The following SYT1 variants were observed in gnomAD, a reference collection of about 807,000 sequenced individuals.
The protein encoded by SYT1 is synaptotagmin-1.
SYT1 carries 8 observed loss-of-function variants against 44.8 expected under a neutral mutation model. That is an observed-to-expected ratio of 0.18 (90% CI 0.10 to 0.32). SYT1 has a LOEUF of 0.32. SYT1 is among the 10% of genes least tolerant of loss of function. SYT1 has a pLI of 1.00. For missense variants in SYT1, 286 were observed against 509.3 expected (o/e 0.56, Z 4.22); for synonymous variants, 154 against 188.8 (o/e 0.82, Z 1.51).
At chr12:79,307,335 A>G (rs1043523278) in intron 8 of SYT1, among the ~76,000 whole-genome samples, 1 of 152,232 alleles carries the variant, frequency 6.6e-6, no homozygotes, top group African/African-American at 2.4e-5. Flanking sequence ...AATTCTTGCC[A>G]ATTATGAACA....
At chr12:79,031,517 A>G (rs1443918086) in intron 2 of SYT1, among the ~76,000 whole-genome samples, 1 of 151,142 alleles carries the variant, frequency 6.6e-6, no homozygotes, top group Non-Finnish European at 1.5e-5. Context: ...GGGGAATTTT[A>G]TATTTATGGC....
At chr12:79,442,885 CTAGATT>C (rs1246329864) in intron 9 of SYT1, among the ~76,000 whole-genome samples, 1 of 151,952 alleles carries the variant, frequency 6.6e-6, no homozygotes, top group Admixed American at 6.6e-5. Context: ...AAGTAAAATC[CTAGATT>C]TAAATTTTTT....
chr12:79,214,306 G>T (rs937147888), intron 3 of SYT1, among the ~76,000 whole-genome samples: 1 of 151,990 alleles, frequency 6.6e-6, no homozygotes, highest in African/African-American at 2.4e-5. Context: ...TCATTGGCTG[G>T]TAAGAGTTAA....
chr12:79,443,768 G>GTA (rs1397806826), intron 9 of SYT1, among the ~76,000 whole-genome samples: 5 of 152,042 alleles, frequency 3.3e-5, no homozygotes, highest in African/African-American at 4.8e-5. Flanking sequence ...CTTGGTTGGG[G>GTA]TATATATATA....
At chr12:79,132,364 G>A (rs981491888) in intron 3 of SYT1, among the ~76,000 whole-genome samples, 3 of 151,266 alleles carry the variant, frequency 2.0e-5, no homozygotes, top group African/African-American at 4.9e-5. Context: ...CAGGAGAATC[G>A]TTTGAACCTG....
chr12:79,027,267 A>G (rs910228658), intron 2 of SYT1, among the ~76,000 whole-genome samples: 1 of 151,448 alleles, frequency 6.6e-6, no homozygotes, highest in Admixed American at 6.6e-5. Flanking sequence ...TACTTTAAAT[A>G]GGCTCTCCTC....
Position 79,127,320 on chromosome 12 carries a change from G to T in SYT1, c.-18+79958G>T, listed in dbSNP as rs570029814. Among the ~76,000 whole-genome samples the T allele has an allele frequency of 4.6e-5, 7 of 152,372 alleles. No individual in the cohort carries two copies. The South Asian group carries it at 1.4e-3, about 32-fold the overall frequency. The stretch of plus-strand genomic sequence containing the variant: ...CACATTGGCTTTCTGGCAAATGCCT[G>T]ACTGGCCCACACTTAATCTGACTTT... On this transcript the variant is annotated intron_variant, in intron 3 of 10. Coordinates refer to ENST00000261205, the MANE Select transcript of SYT1 (RefSeq NM_005639.3).
intron 3 of SYT1, among the ~76,000 whole-genome samples, chr12:79,136,055 G>A (rs1336512552): frequency 1.3e-5 from 2 of 152,176 alleles, no homozygotes; most frequent in African/African-American, 4.8e-5. Flanking sequence ...GTTGGGTTGA[G>A]TTCAGCTTAG....
chr12:79,428,987 C>G (rs1171749150), intron 9 of SYT1, among the ~76,000 whole-genome samples: 1 of 151,956 alleles, frequency 6.6e-6, no homozygotes, highest in East Asian at 1.9e-4. Flanking sequence ...AGGAAAGTGC[C>G]AGGCTCTTTT....
intron 5 of SYT1, among the ~76,000 whole-genome samples, chr12:79,289,538 T>C (rs1452235512): frequency 1.3e-5 from 2 of 152,278 alleles, no homozygotes; most frequent in East Asian, 3.9e-4. Context: ...CTGCCTTCTA[T>C]TCAGGTAAAA....
intron 8 of SYT1, among the ~76,000 whole-genome samples, chr12:79,326,375 G>A (rs543605596): frequency 6.6e-6 from 1 of 152,300 alleles, no homozygotes; most frequent in South Asian, 2.1e-4. Flanking sequence ...TTCAAAATAT[G>A]ATCAGGCAGA....
rs967187808 is a variant in SYT1, at chr12:79,067,807, T to C, written c.-18+20445T>C. ...ATTTCCCCACTTCTTTATCCTGGCA[T>C]ACATCCTCCCCTAGGATCAAGCTGC... On this transcript the variant is annotated intron_variant, in intron 3 of 10. Coordinates refer to ENST00000261205, the MANE Select transcript of SYT1 (RefSeq NM_005639.3). Among the ~76,000 whole-genome samples, 3 of 152,202 alleles carry C rather than the reference T, an allele frequency of 2.0e-5. No individual in the cohort carries two copies. The East Asian group carries it at 5.8e-4, about 29-fold the overall frequency.
In SYT1 at chr12:79,449,112, C is replaced by T. The variant is rs146147511; in HGVS notation, c.1257C>T (p.Ala419=). The T allele has an allele frequency of 6.8e-6, 11 of 1,610,494 alleles. No homozygotes were observed. In the African/African-American group the frequency reaches 8.0e-5, roughly 12 times the overall value. The change falls in exon 11 of 11, where the codon GCC becomes GCT. Residue 419 remains alanine, a synonymous_variant. Transcript: ENST00000261205. Reference sequence around the variant, plus strand: ...AGGAGGAAGTTGATGCCATGCTGGCCGTCAAGAAGTAAAGGAAAGAAGAAG... The same window carrying T: ...AGGAGGAAGTTGATGCCATGCTGGCTGTCAAGAAGTAAAGGAAAGAAGAAG... ...QVEEEVDAML[A]VKK
At chr12:79,145,287 C>A (rs1030667411) in intron 3 of SYT1, among the ~76,000 whole-genome samples, 2 of 151,970 alleles carry the variant, frequency 1.3e-5, no homozygotes, top group African/African-American at 4.8e-5. Context: ...TGATTAAAAA[C>A]ATATTTTTCT....
intron 3 of SYT1, among the ~76,000 whole-genome samples, chr12:79,172,829 C>T (rs1871610952): frequency 6.6e-6 from 1 of 151,244 alleles, no homozygotes; most frequent in South Asian, 2.1e-4. Flanking sequence ...CAGCATCTCC[C>T]CTTGGAAATA....
intron 9 of SYT1, among the ~76,000 whole-genome samples, chr12:79,422,590 G>A (rs1380810512): frequency 2.0e-5 from 3 of 151,810 alleles, no homozygotes; most frequent in African/African-American, 7.3e-5. Flanking sequence ...AATGGTGCAG[G>A]GAGTAGAGAG....
In SYT1 at chr12:79,354,074, A is replaced by G. The variant is rs1883017939; in HGVS notation, c.928+455A>G. On this transcript the variant is annotated intron_variant, in intron 9 of 10. Coordinates refer to ENST00000261205, the MANE Select transcript of SYT1 (RefSeq NM_005639.3). ...TTTATTAAAGACACAGCATTTCAAT[A>G]TATATGCATAATGAAATCTCTGTTT... Among the ~76,000 whole-genome samples, 3 of 152,208 alleles carry G rather than the reference A, an allele frequency of 2.0e-5. No individual in the cohort carries two copies. In the South Asian group the frequency reaches 6.2e-4, roughly 31 times the overall value.
At chr12:79,069,408 ATTT>A (rs1463516159) in intron 3 of SYT1, among the ~76,000 whole-genome samples, 2 of 152,098 alleles carry the variant, frequency 1.3e-5, no homozygotes, top group African/African-American at 4.8e-5. Context: ...ATTTAAATGT[ATTT>A]GTTGAAAATA....
At chr12:79,257,018 CTG>C (rs1398582059) in intron 4 of SYT1, among the ~76,000 whole-genome samples, 1 of 152,170 alleles carries the variant, frequency 6.6e-6, no homozygotes, top group East Asian at 1.9e-4. Context: ...AAGAGAGTCT[CTG>C]TGTGTTTATG....
Sources: gnomAD v4.1 joint callset for allele counts (sites outside exome capture counted in the v4.1 genomes callset) on GRCh38, gnomAD v4.1.1 for gene constraint, MANE v1.5 for transcripts, NCBI Gene and HGNC (gene_info 2026-07-23, HGNC 2026-07-21) for gene names.